The following SIK3 variants were observed in gnomAD, a reference collection of about 807,000 sequenced individuals.
SIK3 encodes SIK family kinase 3.
A neutral mutation model predicts 144.2 loss-of-function variants in SIK3; 28 were observed. The observed-to-expected ratio is 0.19, with a 90% confidence interval of 0.14 to 0.27. The LOEUF is 0.27. Ranked by LOEUF, SIK3 falls within the 10% of genes least tolerant of loss-of-function variation. The pLI is 1.00. For missense variants in SIK3, 1,319 were observed against 1,776.0 expected, an observed-to-expected ratio of 0.74 and a Z score of 4.62; for synonymous variants, 686 against 676.3, an observed-to-expected ratio of 1.01 and a Z score of -0.22.
At chr11:117,004,490 T>C (rs1339388127) in intron 1 of SIK3, among the ~76,000 whole-genome samples, 1 of 152,058 alleles carries the variant, frequency 6.6e-6, no homozygotes, top group Non-Finnish European at 1.5e-5. Context: ...CACTCCAGCC[T>C]GGGTGACAAA....
At chr11:117,082,756 G>A (rs988670600) in intron 1 of SIK3, among the ~76,000 whole-genome samples, 1 of 152,070 alleles carries the variant, frequency 6.6e-6, no homozygotes, top group Non-Finnish European at 1.5e-5. Context: ...TGAACTGTAT[G>A]GTCTGTGAAA....
intron 1 of SIK3, among the ~76,000 whole-genome samples, chr11:116,979,342 T>C (rs1211159552): frequency 3.3e-5 from 5 of 152,170 alleles, no homozygotes; most frequent in African/African-American, 1.2e-4. Flanking sequence ...TATTTCCATT[T>C]TTCCTAATTT....
chr11:116,976,304 T>C (rs1357315076), intron 1 of SIK3, among the ~76,000 whole-genome samples: 1 of 152,212 alleles, frequency 6.6e-6, no homozygotes, highest in Non-Finnish European at 1.5e-5. Flanking sequence ...GAAGGTTTGC[T>C]CGTATGTTTT....
intron 1 of SIK3, among the ~76,000 whole-genome samples, chr11:116,972,711 CA>C (rs902582710): frequency 2.6e-5 from 4 of 151,682 alleles, no homozygotes; most frequent in African/African-American, 7.3e-5. Context: ...TATGTACCCT[CA>C]AAAAAAATTA....
At chr11:117,084,214 C>A (rs1591675098) in intron 1 of SIK3, among the ~76,000 whole-genome samples, 2 of 152,138 alleles carry the variant, frequency 1.3e-5, no homozygotes, top group South Asian at 4.1e-4. Context: ...TAACAGCTGT[C>A]TCTTACTCTT....
intron 1 of SIK3, among the ~76,000 whole-genome samples, chr11:117,095,963 C>A (rs1955455136): frequency 6.6e-6 from 1 of 152,156 alleles, no homozygotes; most frequent in Non-Finnish European, 1.5e-5. Context: ...AAGATAAAAA[C>A]CAACATAAAC....
At chr11:116,972,821 C>A (rs1949810220) in intron 1 of SIK3, among the ~76,000 whole-genome samples, 1 of 152,122 alleles carries the variant, frequency 6.6e-6, no homozygotes, top group South Asian at 2.1e-4. Context: ...CACACACACA[C>A]ATAATGACAG....
At chr11:117,023,617 AAAAAATATAT>A (rs1170574779) in intron 1 of SIK3, among the ~76,000 whole-genome samples, 2 of 109,178 alleles carry the variant, frequency 1.8e-5, no homozygotes, top group East Asian at 2.6e-4. Flanking sequence ...AACAAAAAAA[AAAAAATATAT>A]ATATATATAT....
chr11:117,094,347 G>A (rs889206964), intron 1 of SIK3, among the ~76,000 whole-genome samples: 3 of 152,196 alleles, frequency 2.0e-5, no homozygotes, highest in Non-Finnish European at 4.4e-5. Flanking sequence ...ACTCATGCCT[G>A]TAATCCCAGC....
intron 6 of SIK3, among the ~76,000 whole-genome samples, chr11:116,877,526 C>A (rs1423919393): frequency 6.6e-6 from 1 of 152,170 alleles, no homozygotes; most frequent in Non-Finnish European, 1.5e-5. Flanking sequence ...TCTGATGGCA[C>A]AAGGTGTGTG....
intron 4 of SIK3, among the ~76,000 whole-genome samples, chr11:116,906,146 G>C (rs938741575): frequency 6.6e-6 from 1 of 152,132 alleles, no homozygotes; most frequent in African/African-American, 2.4e-5. Context: ...ATTAGGTTAG[G>C]TGTGAGGTGA....
intron 1 of SIK3, among the ~76,000 whole-genome samples, chr11:117,073,190 C>T (rs1326443562): frequency 6.6e-6 from 1 of 152,172 alleles, no homozygotes; most frequent in Non-Finnish European, 1.5e-5. Flanking sequence ...TACATATGCA[C>T]AGCAAGTGCA....
intron 4 of SIK3, among the ~76,000 whole-genome samples, chr11:116,906,330 T>C (rs1005554085): frequency 1.3e-5 from 2 of 152,052 alleles, no homozygotes; most frequent in Non-Finnish European, 2.9e-5. Context: ...CAGAAGTTGG[T>C]TTGGGAAGAA....
chr11:117,014,876 C>A (rs867113367), intron 1 of SIK3, among the ~76,000 whole-genome samples: 1 of 152,136 alleles, frequency 6.6e-6, no homozygotes, highest in Non-Finnish European at 1.5e-5. Context: ...CCAGCCTGGG[C>A]AACATGGCAA....
intron 2 of SIK3, 92 bp from the exon 3 acceptor site, chr11:116,954,199 A>G (rs1472405275): frequency 1.0e-6 from 1 of 968,116 alleles, no homozygotes; most frequent in Non-Finnish European, 1.6e-6. Context: ...CTCATTTGAA[A>G]TATTAATAAC....
At position 116,861,361 on chromosome 11, in the gene SIK3, G is replaced by A. The variant is rs753369507; in HGVS notation, c.2338C>T (p.Pro780Ser). ...LQRLRIQPSS[P>S]PPNHPNNHLF... ...TGGTTGTTGGGGTGGTTGGGGGGTG[G>A]GCTTGAAGGCTGAATCCTTAACCTT... The change falls in exon 19 of 25, where the codon CCA becomes TCA. Residue 780 changes from proline to serine, a missense_variant. Transcript: ENST00000445177. The A allele has an allele frequency of 6.3e-6, 10 of 1,597,558 alleles. No homozygotes were observed. The highest frequency in any genetic ancestry group is 1.7e-4 in the Middle Eastern group (1 of 5,980).
At chr11:116,898,663 CA>C (rs1205460607) in intron 4 of SIK3, among the ~76,000 whole-genome samples, 1 of 147,670 alleles carries the variant, frequency 6.8e-6, no homozygotes, top group Non-Finnish European at 1.5e-5. Flanking sequence ...TAATGATTGC[CA>C]TTCTAACTGG....
intron 16 of SIK3, 139 bp from the exon 17 acceptor site, chr11:116,862,466 C>A (rs1418574614): frequency 5.0e-6 from 5 of 1,007,764 alleles, no homozygotes; most frequent in East Asian, 4.8e-5. Flanking sequence ...GAGCAATTAA[C>A]TCATTTACCT....
chr11:117,007,371 CTG>C (rs1951089522), intron 1 of SIK3, among the ~76,000 whole-genome samples: 1 of 152,204 alleles, frequency 6.6e-6, no homozygotes, highest in Admixed American at 6.5e-5. Flanking sequence ...GAGCAAGACT[CTG>C]TCTCAAAACA....
Sources: allele counts gnomAD v4.1 joint callset (sites outside exome capture counted in the v4.1 genomes callset), GRCh38; gene constraint gnomAD v4.1.1; transcripts MANE v1.5; gene names NCBI Gene and HGNC (gene_info 2026-07-23, HGNC 2026-07-21).